LNX1: variants seen among roughly 807,000 people sequenced by gnomAD.
The protein encoded by LNX1 is ligand of numb-protein X 1, also known as E3 ubiquitin-protein ligase LNX.
In LNX1, 54 loss-of-function variants were observed where a neutral mutation model predicts 68.4. The ratio of observed to expected loss-of-function variants is 0.79; its 90% CI spans 0.63 to 0.99. The LOEUF is 0.99. Ranked by LOEUF, LNX1 falls within the 50% of genes least tolerant of loss-of-function variation. The pLI, the probability that LNX1 is intolerant of heterozygous loss-of-function variation, is 0.00. For missense variants in LNX1, 906 were observed against 926.4 expected (o/e 0.98, Z 0.29); for synonymous variants, 336 against 350.0 (o/e 0.96, Z 0.45).
intron 4 of LNX1, among the ~76,000 whole-genome samples, chr4:53,506,855 C>CAAAA (rs1560633627): frequency 3.2e-4 from 4 of 12,642 alleles, no homozygotes; most frequent in Non-Finnish European, 1.2e-3. Flanking sequence ...AAAACTCTGT[C>CAAAA]TAAAAAAAAA....
chr4:53,468,482 A>G lies in LNX1; in HGVS notation c.1893-6889T>C, dbSNP rs554213028. On this transcript the variant is annotated intron_variant, in intron 9 of 10. Coordinates refer to ENST00000263925, the MANE Select transcript of LNX1 (RefSeq NM_001126328.3). ...ACATCATAATGACAGGATCAAATTCACACATAACAATATTCACCTTAAATG... is the reference window on the plus strand; with the variant it reads ...ACATCATAATGACAGGATCAAATTCGCACATAACAATATTCACCTTAAATG... Among the ~76,000 whole-genome samples, 17 of 152,318 alleles carry G rather than the reference A, an allele frequency of 1.1e-4. No homozygotes were observed. In the East Asian group the frequency reaches 2.9e-3, roughly 26 times the overall value.
At position 53,486,982 on chromosome 4, in the gene LNX1, G is replaced by A. The variant is rs185840288; in HGVS notation, c.1351-5128C>T. ...AAAGCCTATCTCTTATAGCTGGAAG[G>A]AGTCTGGGAGCGTTGCACTGTGACC... On this transcript the variant is annotated intron_variant, in intron 6 of 10. Transcript: ENST00000263925. Among the ~76,000 whole-genome samples the A allele has an allele frequency of 1.2e-3, 184 of 152,230 alleles. 3 individuals are homozygous for A. The highest frequency in any genetic ancestry group is 3.5e-4 in the Non-Finnish European group (24 of 68,028).
chr4:53,509,626 T>C (rs1048536461), intron 2 of LNX1, among the ~76,000 whole-genome samples: 12 of 152,220 alleles, frequency 7.9e-5, no homozygotes, highest in African/African-American at 2.2e-4. Flanking sequence ...TAGTACTTTT[T>C]GCCAAAAGTA....
At chr4:53,535,078 C>T (rs541446553) in intron 2 of LNX1, among the ~76,000 whole-genome samples, 4 of 151,580 alleles carry the variant, frequency 2.6e-5, no homozygotes, top group African/African-American at 7.2e-5. Flanking sequence ...ATCCTCCTTG[C>T]TATAAGGAAA....
At chr4:53,528,290 C>T (rs1727768894) in intron 2 of LNX1, among the ~76,000 whole-genome samples, 1 of 152,242 alleles carries the variant, frequency 6.6e-6, no homozygotes, top group South Asian at 2.1e-4. Flanking sequence ...CTGTGGTCAA[C>T]TGCAGCTTCA....
upstream of LNX1, chr4:53,591,544 T>C: frequency 1.0e-6 from 1 of 985,374 alleles, no homozygotes; most frequent in Non-Finnish European, 1.2e-6. Context: ...CATTGGTCGC[T>C]CCAGACCAGG....
chr4:53,613,762 T>C (rs182762807), intron 2 of LNX1, among the ~76,000 whole-genome samples: 1 of 152,360 alleles, frequency 6.6e-6, no homozygotes, highest in African/African-American at 2.4e-5. Context: ...AGCACTGCAC[T>C]GAATATATGG....
At chr4:53,635,858 G>C (rs1376030549) in intron 1 of LNX1, among the ~76,000 whole-genome samples, 1 of 152,160 alleles carries the variant, frequency 6.6e-6, no homozygotes, top group Non-Finnish European at 1.5e-5. Flanking sequence ...AAATATATGA[G>C]AGTACTTCTT....
At chr4:53,488,065 C>T (rs1205189699) in intron 6 of LNX1, among the ~76,000 whole-genome samples, 1 of 152,318 alleles carries the variant, frequency 6.6e-6, no homozygotes, top group East Asian at 1.9e-4. Context: ...GTCACAGACA[C>T]ACAAGAAATG....
At chr4:53,498,568 T>G in intron 5 of LNX1, 73 bp downstream of exon 5, 1 of 1,015,982 alleles carries the variant, frequency 9.8e-7, no homozygotes, top group Middle Eastern at 2.1e-4. Context: ...TCCATCCATC[T>G]ATCCAATTGT....
intron 2 of LNX1, among the ~76,000 whole-genome samples, chr4:53,565,914 T>C (rs1382197888): frequency 2.0e-5 from 3 of 151,782 alleles, no homozygotes; most frequent in African/African-American, 7.3e-5. Context: ...GAAGATGAAA[T>C]GAATGAAATG....
chr4:53,635,734 AT>A (rs1734447269), intron 1 of LNX1, among the ~76,000 whole-genome samples: 1 of 152,204 alleles, frequency 6.6e-6, no homozygotes, highest in Admixed American at 6.5e-5. Context: ...AGGACAAAAT[AT>A]TAGCCTATAA....
chr4:53,639,967 G>A (rs1215850357), intron 1 of LNX1, among the ~76,000 whole-genome samples: 1 of 152,144 alleles, frequency 6.6e-6, no homozygotes, highest in African/African-American at 2.4e-5. Flanking sequence ...CAGAGGCAGA[G>A]GTTGCAGTGA....
At chr4:53,483,638 T>C (rs1439401437) in intron 6 of LNX1, among the ~76,000 whole-genome samples, 1 of 152,218 alleles carries the variant, frequency 6.6e-6, no homozygotes, top group Non-Finnish European at 1.5e-5. Context: ...AAGACAGACC[T>C]GGTTTAGGGA....
At chr4:53,461,116 TG>T in intron 10 of LNX1, 74 bp from the exon 11 acceptor site, 1 of 1,311,672 alleles carries the variant, frequency 7.6e-7, no homozygotes, top group Non-Finnish European at 1.0e-6. Context: ...TTTATCTTAG[TG>T]GTGCTAGATT....
Position 53,583,846 on chromosome 4 carries a change from G to A in LNX1, c.-87+7542C>T, listed in dbSNP as rs141362574. 5.8e-4 allele frequency among the ~76,000 whole-genome samples: 88 copies of A among 152,064 alleles called. 1 individual carries two copies. Among genetic ancestry groups the A allele is most frequent in the African/African-American group, 2.0e-3 (82 of 41,462 alleles). On this transcript the variant is annotated intron_variant, in intron 1 of 10. Transcript: ENST00000263925. ...CCTTTCCCCTGGGGTGCCATACTTG[G>A]GTTTGTTTGTAAAAACTCTGTAACA...
At chr4:53,476,365 C>A (rs1345501163) in intron 9 of LNX1, among the ~76,000 whole-genome samples, 2 of 152,140 alleles carry the variant, frequency 1.3e-5, no homozygotes, top group African/African-American at 4.8e-5. Flanking sequence ...CTGCCACTAG[C>A]AGATTAGGCG....
At chr4:53,461,621 G>A in intron 9 of LNX1, 28 bp from the exon 10 acceptor site, 1 of 1,553,072 alleles carries the variant, frequency 6.4e-7, no homozygotes, top group Non-Finnish European at 8.8e-7. Context: ...CAGTGTACAT[G>A]CATATTTAAG....
chr4:53,460,842 A>C lies in LNX1; in HGVS notation c.*65T>G. ...TTAAATATAAAAACTGACAAGATAA[A>C]TATAGTGTTTCAACTTCTTAGCCTA... On this transcript the variant is annotated 3_prime_UTR_variant, in exon 11 of 11. Coordinates refer to ENST00000263925, the MANE Select transcript of LNX1 (RefSeq NM_001126328.3). 1 of 1,383,426 alleles carries C rather than the reference A, an allele frequency of 7.2e-7. No homozygotes were observed. The highest frequency in any genetic ancestry group is 1.5e-5 in the African/African-American group (1 of 67,558). The allele number at this position is 1,383,426 out of a possible 1,614,324, so 85.7% of individuals were successfully genotyped here. A position where few individuals can be genotyped will look rare whatever the true frequency, so the allele number is the denominator to read the frequency against.
Sources: gnomAD v4.1 joint callset for allele counts (sites outside exome capture counted in the v4.1 genomes callset) on GRCh38, gnomAD v4.1.1 for gene constraint, MANE v1.5 for transcripts, NCBI Gene and HGNC (gene_info 2026-07-23, HGNC 2026-07-21) for gene names.